SYT14: variants seen among roughly 807,000 people sequenced by gnomAD.
The protein encoded by SYT14 is synaptotagmin 14, also known as synaptotagmin-14.
Under a neutral mutation model 74.2 loss-of-function variants are expected in SYT14, and 32 were observed. That is an observed-to-expected ratio of 0.43 (90% CI 0.33 to 0.58). SYT14 has a LOEUF of 0.58. Ranked by LOEUF, SYT14 falls within the 20% of genes least tolerant of loss-of-function variation. The pLI is 0.05. For missense variants in SYT14, 791 were observed against 981.8 expected, an observed-to-expected ratio of 0.81 and a Z score of 2.60; for synonymous variants, 298 against 337.7, an observed-to-expected ratio of 0.88 and a Z score of 1.29.
At chr1:210,073,398 T>C (rs2081431141) in intron 5 of SYT14, among the ~76,000 whole-genome samples, 3 of 152,028 alleles carry the variant, frequency 2.0e-5, no homozygotes, top group Admixed American at 2.0e-4. Flanking sequence ...ATTGCTACTA[T>C]TTCAACCATC....
At chr1:209,967,925 C>T (rs2079180654) in intron 2 of SYT14, among the ~76,000 whole-genome samples, 1 of 151,834 alleles carries the variant, frequency 6.6e-6, no homozygotes, top group Non-Finnish European at 1.5e-5. Flanking sequence ...CATGTAATGC[C>T]CACTCTAGAA....
At position 210,126,180 on chromosome 1, in the gene SYT14, C is replaced by T. The variant is rs190881248; in HGVS notation, c.2034+25719C>T. Among the ~76,000 whole-genome samples the T allele has an allele frequency of 8.6e-4, 130 of 151,474 alleles. 1 individual carries two copies. Among genetic ancestry groups the T allele is most frequent in the Middle Eastern group, 6.8e-3 (2 of 294 alleles). ...ATCACCCCAGTGCACTCCAGCCTGGCGACAGAGTGAGACTCCGTCTCAAGA... is the reference window on the plus strand; with the variant it reads ...ATCACCCCAGTGCACTCCAGCCTGGTGACAGAGTGAGACTCCGTCTCAAGA... On this transcript the variant is annotated intron_variant, in intron 7 of 9. Transcript: ENST00000637265.
intron 4 of SYT14, 56 bp from the exon 4 acceptor site, chr1:210,020,978 CAGGTG>C: frequency 7.0e-7 from 1 of 1,433,292 alleles, no homozygotes; most frequent in Non-Finnish European, 9.8e-7. Flanking sequence ...CCAGTAGGGC[CAGGTG>C]AGGGGAGGGA....
intron 7 of SYT14, among the ~76,000 whole-genome samples, chr1:210,141,552 C>T (rs368719820): frequency 1.3e-5 from 2 of 152,150 alleles, no homozygotes; most frequent in East Asian, 3.8e-4. Flanking sequence ...AGACTAGTCG[C>T]CCCCATAGTT....
chr1:209,961,915 A>ATC (rs1198577324), intron 2 of SYT14, among the ~76,000 whole-genome samples: 1 of 152,104 alleles, frequency 6.6e-6, no homozygotes, highest in Non-Finnish European at 1.5e-5. Context: ...CAGTTTGCTG[A>ATC]TCTCTGAACA....
At chr1:209,951,291 C>A (rs1485404117) in intron 1 of SYT14, among the ~76,000 whole-genome samples, 1 of 152,130 alleles carries the variant, frequency 6.6e-6, no homozygotes, top group Non-Finnish European at 1.5e-5. Context: ...CCTCTCCATT[C>A]CCTTCTTCTC....
chr1:209,942,257 T>A (rs1366005008), intron 1 of SYT14, among the ~76,000 whole-genome samples: 1 of 152,032 alleles, frequency 6.6e-6, no homozygotes. Context: ...AGCTAGATAC[T>A]TTCACATGGA....
At chr1:210,132,460 A>G (rs1373519355) in intron 7 of SYT14, among the ~76,000 whole-genome samples, 1 of 152,018 alleles carries the variant, frequency 6.6e-6, no homozygotes, top group African/African-American at 2.4e-5. Flanking sequence ...AACTTGTGTC[A>G]TAGGGGTTTA....
chr1:210,128,571 T>A (rs2082615214), intron 7 of SYT14, among the ~76,000 whole-genome samples: 1 of 152,210 alleles, frequency 6.6e-6, no homozygotes, highest in African/African-American at 2.4e-5. Flanking sequence ...AATGCCACTC[T>A]TTAAAAATCA....
exon 10 of SYT14, chr1:210,166,603 G>A (rs2083458586): frequency 1.3e-5 from 2 of 151,646 alleles, no homozygotes; most frequent in Non-Finnish European, 2.9e-5. Flanking sequence ...AGGAAGGGAG[G>A]AGGAGAAGGG....
At chr1:209,973,672 C>T (rs1465443712) in intron 2 of SYT14, among the ~76,000 whole-genome samples, 7 of 152,238 alleles carry the variant, frequency 4.6e-5, no homozygotes, top group African/African-American at 9.6e-5. Context: ...TATAAACATA[C>T]GTGTGCATGT....
chr1:210,096,955 A>C lies in SYT14; in HGVS notation c.1584+2362A>C, dbSNP rs759811244. Among the ~76,000 whole-genome samples the C allele has an allele frequency of 1.3e-3, 196 of 152,156 alleles. 1 individual carries two copies. The highest frequency in any genetic ancestry group is 2.1e-3 in the Non-Finnish European group (142 of 68,018). ...CTCACAAGCTGCTTCTTTACTCACT[A>C]TCTATAGTTATCACACACTGTGAGT... is the stretch of plus-strand genomic sequence containing the variant. On this transcript the variant is annotated intron_variant, in intron 6 of 9. Transcript: ENST00000637265.
intron 2 of SYT14, among the ~76,000 whole-genome samples, chr1:209,969,917 G>A (rs769517809): frequency 6.6e-6 from 1 of 152,060 alleles, no homozygotes; most frequent in African/African-American, 2.4e-5. Flanking sequence ...GTTGTTTTCT[G>A]TTTGTTGAAT....
At chr1:210,106,362 C>T (rs1250118756) in intron 7 of SYT14, among the ~76,000 whole-genome samples, 1 of 152,176 alleles carries the variant, frequency 6.6e-6, no homozygotes, top group Non-Finnish European at 1.5e-5. Flanking sequence ...GGCCTTTATA[C>T]TCCCATCAGT....
chr1:209,950,302 A>G (rs576529364), intron 1 of SYT14, among the ~76,000 whole-genome samples: 2 of 152,296 alleles, frequency 1.3e-5, no homozygotes, highest in East Asian at 3.9e-4. Flanking sequence ...ATATATTAAT[A>G]CATTATAGTT....
At chr1:209,991,433 A>G (rs1558115427) in intron 2 of SYT14, among the ~76,000 whole-genome samples, 1 of 152,202 alleles carries the variant, frequency 6.6e-6, no homozygotes, top group African/African-American at 2.4e-5. Context: ...CAACTCAACC[A>G]AAATCCCTCA....
At position 210,099,017 on chromosome 1, in the gene SYT14, C is replaced by T. The variant is rs78153099; in HGVS notation, c.1585-995C>T. On this transcript the variant is annotated intron_variant, in intron 6 of 9. Transcript: ENST00000637265. ...GGTTTTGTTTTGTTTTATTTTGTTT[C>T]GTAAATGGAAAAAGAGAAGACTGAG... Among the ~76,000 whole-genome samples, 491 of 151,996 alleles carry T rather than the reference C, an allele frequency of 3.2e-3. 6 individuals are homozygous for T. Among genetic ancestry groups the T allele is most frequent in the African/African-American group, 0.011 (476 of 41,450 alleles).
chr1:210,060,595 AG>A (rs2081190049), intron 5 of SYT14, among the ~76,000 whole-genome samples: 1 of 152,078 alleles, frequency 6.6e-6, no homozygotes, highest in Non-Finnish European at 1.5e-5. Context: ...ACCTTTAGAG[AG>A]GTTTAAAATA....
chr1:209,960,667 A>G (rs1290022507), intron 2 of SYT14, among the ~76,000 whole-genome samples: 4 of 152,124 alleles, frequency 2.6e-5, no homozygotes, highest in Admixed American at 2.6e-4. Flanking sequence ...TTCAAATATG[A>G]TCCGAAATAA....
Sources: gnomAD v4.1 joint callset for allele counts (sites outside exome capture counted in the v4.1 genomes callset) on GRCh38, gnomAD v4.1.1 for gene constraint, MANE v1.5 for transcripts, NCBI Gene and HGNC (gene_info 2026-07-23, HGNC 2026-07-21) for gene names.